Variants in TSGA10 observed in about 807,000 individuals in gnomAD.
TSGA10 encodes the protein testis-specific gene 10 protein.
In TSGA10, 43 loss-of-function variants were observed where a neutral mutation model predicts 96.6. That is an observed-to-expected ratio of 0.44 (90% CI 0.35 to 0.57). The LOEUF (loss-of-function observed/expected upper bound fraction) is 0.57. Ranked by LOEUF, TSGA10 falls within the 20% of genes least tolerant of loss-of-function variation. TSGA10 has a pLI of 0.01. For synonymous variants in TSGA10, 229 were observed against 269.9 expected (o/e 0.85, Z 1.48); for missense variants, 703 against 834.4 (o/e 0.84, Z 1.94).
chr2:99,035,149 T>TA (rs2081508014), intron 17 of TSGA10, 81 bp downstream of exon 17: 1 of 1,029,238 alleles, frequency 9.7e-7, no homozygotes, highest in African/African-American at 1.6e-5. Context: ...TAATATTACA[T>TA]AAAAAAGAAC....
At chr2:99,106,810 G>C (rs144257438) in intron 7 of TSGA10, among the ~76,000 whole-genome samples, 1 of 152,068 alleles carries the variant, frequency 6.6e-6, no homozygotes, top group African/African-American at 2.4e-5. Context: ...TGTCATCTTT[G>C]TCTCTTTCAA....
chr2:99,081,362 T>A lies in TSGA10; in HGVS notation c.647A>T (p.Asp216Val). Residue 216 changes from aspartate (D) to valine (V), a missense_variant, in exon 11 of 21, where the codon GAT (aspartate) becomes GTT (valine). Asp to Val is a radical substitution (Grantham distance 152). Transcript: ENST00000393483. ...TTTCTTAGCAAGGTGTCGCTGAGTA[T>A]CAGAAAGATCTTTTTCTGTGTTTTC... ...LYENTEKDLS[D>V]TQRHLAKKKY... 1 of 1,585,624 alleles carries A rather than the reference T, an allele frequency of 6.3e-7. No individual in the cohort carries two copies. The highest frequency in any genetic ancestry group is 1.2e-5 in the South Asian group (1 of 83,930).
At chr2:99,130,976 G>GTA (rs1026894220) in intron 1 of TSGA10, among the ~76,000 whole-genome samples, 35 of 151,642 alleles carry the variant, frequency 2.3e-4, no homozygotes, top group South Asian at 1.5e-3. Flanking sequence ...TGTTCCATTG[G>GTA]TATATATATA....
chr2:99,068,971 G>T lies in TSGA10; in HGVS notation c.1135C>A (p.His379Asn). Reference protein sequence around the residue: ...QALSKKLNDTHNELNDIKQKV... With the variant: ...QALSKKLNDTNNELNDIKQKV... ...TGTTTTATGTCATTAAGTTCATTATGAGTGTCATTCAATTTTTTGGACAGT... is the reference window on the plus strand; with the variant it reads ...TGTTTTATGTCATTAAGTTCATTATTAGTGTCATTCAATTTTTTGGACAGT... Residue 379 changes from histidine to asparagine, a missense_variant, in exon 15 of 21, where the codon CAT becomes AAT. Physicochemically the swap from His to Asn is moderately conservative, Grantham distance 68. Around this residue, in one of 3 missense-constraint regions of TSGA10, gnomAD observed 585 missense variants for 656.8 expected, o/e 0.89. Coordinates refer to ENST00000393483, the MANE Select transcript of TSGA10 (RefSeq NM_025244.4). 6.8e-7 allele frequency: 1 copy of T among 1,466,732 alleles called. No homozygotes were observed. The highest frequency in any genetic ancestry group is 9.0e-7 in the Non-Finnish European group (1 of 1,113,734). 90.9% of individuals were successfully genotyped at this position (1,466,732 alleles called of 1,614,324 possible).
chr2:99,037,440 G>C (rs2081741565), intron 16 of TSGA10, among the ~76,000 whole-genome samples: 1 of 152,112 alleles, frequency 6.6e-6, no homozygotes, highest in Non-Finnish European at 1.5e-5. Flanking sequence ...AGAATATTTT[G>C]AATGAAACAA....
intron 1 of TSGA10, among the ~76,000 whole-genome samples, chr2:99,149,495 T>C (rs1278054497): frequency 1.4e-5 from 2 of 146,240 alleles, no homozygotes; most frequent in Non-Finnish European, 3.0e-5. Context: ...CAGGCTGGAG[T>C]GCAGTGGCGC....
At chr2:99,119,612 T>A (rs958375802) in intron 2 of TSGA10, among the ~76,000 whole-genome samples, 1 of 152,192 alleles carries the variant, frequency 6.6e-6, no homozygotes, top group African/African-American at 2.4e-5. Flanking sequence ...AGGCTTCAAT[T>A]TCAGGAAAAT....
chr2:99,048,078 AAACAAATGGAAG>A (rs2082982052), intron 16 of TSGA10, among the ~76,000 whole-genome samples: 1 of 152,212 alleles, frequency 6.6e-6, no homozygotes, highest in Non-Finnish European at 1.5e-5. Flanking sequence ...CAGAGGACAC[AAACAAATGGAAG>A]AACATTCCAT....
At chr2:99,048,525 C>T (rs1558841471) in intron 16 of TSGA10, among the ~76,000 whole-genome samples, 1 of 152,114 alleles carries the variant, frequency 6.6e-6, no homozygotes, top group Non-Finnish European at 1.5e-5. Flanking sequence ...ACTGGCTAGC[C>T]ATATGCAGAA....
At chr2:99,057,287 C>T (rs1435825635) in intron 16 of TSGA10, among the ~76,000 whole-genome samples, 1 of 152,112 alleles carries the variant, frequency 6.6e-6, no homozygotes, top group Non-Finnish European at 1.5e-5. Context: ...AAAACTATCT[C>T]TATTCACAGA....
intron 16 of TSGA10, among the ~76,000 whole-genome samples, chr2:99,049,957 A>C (rs557902455): frequency 6.6e-6 from 1 of 152,276 alleles, no homozygotes; most frequent in East Asian, 1.9e-4. Flanking sequence ...TTTCCATCTG[A>C]ACTGATTTTA....
intron 18 of TSGA10, among the ~76,000 whole-genome samples, chr2:99,019,428 T>TCATA (rs2079818749): frequency 6.6e-6 from 1 of 152,170 alleles, no homozygotes; most frequent in East Asian, 1.9e-4. Flanking sequence ...GTTGAAGGAA[T>TCATA]CATAATAGGC....
intron 15 of TSGA10, among the ~76,000 whole-genome samples, chr2:99,066,270 C>T (rs942833879): frequency 3.3e-5 from 5 of 152,180 alleles, no homozygotes; most frequent in Non-Finnish European, 5.9e-5. Context: ...ACCTTATTGG[C>T]TTTCAAGATT....
intron 1 of TSGA10, chr2:99,147,605 G>T (rs878950321): frequency 1.1e-6 from 1 of 905,810 alleles, no homozygotes. Flanking sequence ...ATTCTTTTAC[G>T]TTTGTTGATT....
intron 9 of TSGA10, 39 bp from the exon 10 acceptor site, chr2:99,104,157 A>C (rs768622782): frequency 2.4e-5 from 38 of 1,607,626 alleles, no homozygotes; most frequent in Non-Finnish European, 3.2e-5. Flanking sequence ...CCATCACTAA[A>C]AACACCTTAG....
At chr2:99,059,078 T>TTATATATATATATA (rs756097906) in intron 16 of TSGA10, among the ~76,000 whole-genome samples, 1 of 140,594 alleles carries the variant, frequency 7.1e-6, no homozygotes, top group African/African-American at 2.6e-5. Context: ...ATTTATATAT[T>TTATATATATATATA]TTTATATATA....
chr2:99,031,031 C>G (rs1252787372), intron 17 of TSGA10, among the ~76,000 whole-genome samples: 1 of 149,432 alleles, frequency 6.7e-6, no homozygotes, highest in African/African-American at 2.5e-5. Flanking sequence ...ATTAGAATAC[C>G]TAAAACAATT....
rs554911112 is a variant in TSGA10 at position 99,098,442 on chromosome 2, A to G, written c.611+5525T>C. Among the ~76,000 whole-genome samples, 6 of 135,756 alleles carry G rather than the reference A, an allele frequency of 4.4e-5. No homozygotes were observed. The East Asian group carries it at 7.8e-4, about 18-fold the overall frequency. 89.1% of individuals were successfully genotyped at this position (135,756 alleles called of 152,430 possible). On this transcript the variant is annotated intron_variant, in intron 10 of 20. Coordinates refer to ENST00000393483, the MANE Select transcript of TSGA10 (RefSeq NM_025244.4). Reference sequence around the variant, plus strand: ...TGACAGAGAGAGACTCTGCCTCAAAAAAAAAAAAAAAAAGAAAAGAAAAGA... The same window carrying G: ...TGACAGAGAGAGACTCTGCCTCAAAGAAAAAAAAAAAAAGAAAAGAAAAGA...
intron 4 of TSGA10, among the ~76,000 whole-genome samples, chr2:99,111,789 T>C (rs1027921187): frequency 3.9e-5 from 6 of 152,184 alleles, no homozygotes; most frequent in African/African-American, 7.2e-5. Flanking sequence ...AATGTTTTAA[T>C]GTATACTACT....
Sources: gnomAD v4.1 joint callset for allele counts (sites outside exome capture counted in the v4.1 genomes callset) on GRCh38, gnomAD v4.1.1 for gene constraint, gnomAD v4.1.1 regional missense constraint, MANE v1.5 for transcripts, NCBI Gene and HGNC (gene_info 2026-07-23, HGNC 2026-07-21) for gene names.